OSBPL10: variants seen among roughly 807,000 people sequenced by gnomAD.
OSBPL10 encodes oxysterol-binding protein-related protein 10.
OSBPL10 carries 49 observed loss-of-function variants against 81.7 expected under a neutral mutation model. That is an observed-to-expected ratio of 0.60 (90% CI 0.48 to 0.76). OSBPL10 has a LOEUF of 0.76. OSBPL10 is among the 30% of genes least tolerant of loss of function. The pLI is 0.00. For synonymous variants in OSBPL10, 419 were observed against 383.6 expected (o/e 1.09, Z -1.08); for missense variants, 923 against 987.8 (o/e 0.93, Z 0.88).
At chr3:31,709,511 T>C (rs1253126110) in intron 6 of OSBPL10, among the ~76,000 whole-genome samples, 1 of 152,052 alleles carries the variant, frequency 6.6e-6, no homozygotes, top group South Asian at 2.1e-4. Context: ...TCACAGGAAA[T>C]AGCAGCATGT....
At chr3:31,849,732 G>A in intron 3 of OSBPL10, among the ~76,000 whole-genome samples, 1 of 152,068 alleles carries the variant, frequency 6.6e-6, no homozygotes, top group Admixed American at 6.6e-5. Context: ...CACAAACACT[G>A]GCATGAAAAA....
chr3:31,851,559 A>G (rs1700765935), intron 3 of OSBPL10, among the ~76,000 whole-genome samples: 1 of 152,248 alleles, frequency 6.6e-6, no homozygotes, highest in Non-Finnish European at 1.5e-5. Context: ...AGTCCTACCC[A>G]GACCAGCACG....
intron 4 of OSBPL10, among the ~76,000 whole-genome samples, chr3:31,772,570 C>T (rs527817007): frequency 6.6e-6 from 1 of 152,284 alleles, no homozygotes; most frequent in Non-Finnish European, 1.5e-5. Context: ...GGGATTTGAA[C>T]CCCCTCCAAG....
rs150530442 is a variant in OSBPL10, at chr3:31,871,322, C to T, written c.537+5111G>A. Among the ~76,000 whole-genome samples the T allele has an allele frequency of 2.1e-3, 315 of 152,204 alleles. 2 individuals are homozygous for T. The highest frequency in any genetic ancestry group is 3.3e-3 in the Non-Finnish European group (224 of 68,008). On this transcript the variant is annotated intron_variant, in intron 3 of 11. Coordinates refer to ENST00000396556, the MANE Select transcript of OSBPL10 (RefSeq NM_017784.5). ...AGATGCGCCGCCTTAAGAGCTGTAA[C>T]ACTCACTACGAAGGACTGCAGCTTC...
chr3:31,731,415 A>G (rs1352781470), intron 6 of OSBPL10, among the ~76,000 whole-genome samples: 3 of 152,242 alleles, frequency 2.0e-5, no homozygotes, highest in South Asian at 2.1e-4. Context: ...CTTTAATGAA[A>G]AAAGCTCTGG....
intron 4 of OSBPL10, among the ~76,000 whole-genome samples, chr3:31,757,213 C>T (rs1697914238): frequency 6.6e-6 from 1 of 152,094 alleles, no homozygotes; most frequent in African/African-American, 2.4e-5. Context: ...GAATAGAACC[C>T]TATTTGGAGA....
At chr3:31,995,457 C>G (rs1699081685) in intron 2 of OSBPL10, among the ~76,000 whole-genome samples, 2 of 152,178 alleles carry the variant, frequency 1.3e-5, no homozygotes, top group Non-Finnish European at 2.9e-5. Context: ...AAATATGGCT[C>G]TTTTTGCCCA....
intron 1 of OSBPL10, among the ~76,000 whole-genome samples, chr3:31,967,411 T>C (rs1559536160): frequency 6.6e-6 from 1 of 151,906 alleles, no homozygotes; most frequent in Non-Finnish European, 1.5e-5. Flanking sequence ...ACCCAGGAGG[T>C]TGAGGCTACA....
At chr3:31,687,658 C>G (rs1479544594) in intron 7 of OSBPL10, among the ~76,000 whole-genome samples, 1 of 152,080 alleles carries the variant, frequency 6.6e-6, no homozygotes, top group African/African-American at 2.4e-5. Context: ...CCTCCAAGTC[C>G]CTGCCATTAC....
At chr3:31,803,787 C>T (rs1187253545) in intron 4 of OSBPL10, among the ~76,000 whole-genome samples, 1 of 152,010 alleles carries the variant, frequency 6.6e-6, no homozygotes, top group African/African-American at 2.4e-5. Flanking sequence ...TCAAAATGTC[C>T]CTAGTATTTC....
At chr3:31,826,865 G>T (rs1700112395) in intron 4 of OSBPL10, among the ~76,000 whole-genome samples, 1 of 152,148 alleles carries the variant, frequency 6.6e-6, no homozygotes, top group Non-Finnish European at 1.5e-5. Context: ...GGTGGACATG[G>T]TGTCTGAAGA....
chr3:31,775,487 A>G (rs979594457), intron 4 of OSBPL10, among the ~76,000 whole-genome samples: 45 of 121,646 alleles, frequency 3.7e-4, no homozygotes, highest in African/African-American at 1.1e-3. Context: ...GAAACAGATC[A>G]TGAAGGAGTT....
rs188384654 is a variant in OSBPL10, at chr3:31,797,083, C to T, written c.729+32957G>A. ...CATCTTGGCTCACTGCAAACTCTTT[C>T]TCCCGGGTTCAAGTGATTCTCCTGC... On this transcript the variant is annotated intron_variant, in intron 4 of 11. Coordinates refer to ENST00000396556, the MANE Select transcript of OSBPL10 (RefSeq NM_017784.5). Among the ~76,000 whole-genome samples the T allele has an allele frequency of 1.9e-3, 258 of 136,668 alleles. 1 individual carries two copies. Among genetic ancestry groups the T allele is most frequent in the African/African-American group, 6.9e-3 (251 of 36,426 alleles). 89.7% of individuals were successfully genotyped at this position (136,668 alleles called of 152,430 possible). A position where few individuals can be genotyped will look rare whatever the true frequency, so the allele number is the denominator to read the frequency against.
At chr3:31,962,644 G>T (rs1698201951) in intron 1 of OSBPL10, among the ~76,000 whole-genome samples, 2 of 152,104 alleles carry the variant, frequency 1.3e-5, no homozygotes. Context: ...GTACAGTTAG[G>T]GTTTCAATCG....
chr3:31,981,048 C>G lies in OSBPL10; in HGVS notation c.132G>C (p.Ser44=). 1.4e-6 allele frequency: 2 copies of G among 1,480,868 alleles called. No homozygotes were observed. The highest frequency in any genetic ancestry group is 2.5e-5 in the Admixed American group (1 of 40,396). The allele number at this position is 1,480,868 out of a possible 1,614,324, so 91.7% of individuals were successfully genotyped here. The change falls in exon 1 of 12, where the codon TCG becomes TCC. Residue 44 remains serine (S), a synonymous_variant. Coordinates refer to ENST00000396556, the MANE Select transcript of OSBPL10 (RefSeq NM_017784.5). This position sits in a 1 kb window ranked among gnomAD's most constrained non-coding sequence, Gnocchi z 4.5. ...SLAGRGVSSR[S]AAAGLGGGGS... Reference sequence around the variant, plus strand: ...CCCCGCCGCCGAGCCCGGCCGCCGCCGACCGGCTGGAGACCCCCCGGCCCG... The same window carrying G: ...CCCCGCCGCCGAGCCCGGCCGCCGCGGACCGGCTGGAGACCCCCCGGCCCG...
At chr3:31,667,336 G>A (rs552441388) in intron 10 of OSBPL10, among the ~76,000 whole-genome samples, 1 of 152,356 alleles carries the variant, frequency 6.6e-6, no homozygotes, top group South Asian at 2.1e-4. Context: ...GTTAGACACA[G>A]AGAAAGGTTA....
At chr3:31,964,273 C>G (rs1698250785) in intron 1 of OSBPL10, among the ~76,000 whole-genome samples, 1 of 152,180 alleles carries the variant, frequency 6.6e-6, no homozygotes. Context: ...TCTCCTGCCT[C>G]AGGCTCCCGA....
At chr3:31,814,516 C>T (rs775584683) in intron 4 of OSBPL10, among the ~76,000 whole-genome samples, 5 of 152,066 alleles carry the variant, frequency 3.3e-5, no homozygotes, top group African/African-American at 7.2e-5. Context: ...ACAGAGACAC[C>T]GATACGCAGG....
chr3:31,764,214 C>T (rs1238355358), intron 4 of OSBPL10, among the ~76,000 whole-genome samples: 1 of 152,218 alleles, frequency 6.6e-6, no homozygotes, highest in East Asian at 1.9e-4. Context: ...GTATATAGTC[C>T]ATGATCACTG....
Sources: gnomAD v4.1 joint callset for allele counts (sites outside exome capture counted in the v4.1 genomes callset) on GRCh38, gnomAD v4.1.1 for gene constraint, Gnocchi (gnomAD v3.1) non-coding constraint, MANE v1.5 for transcripts, NCBI Gene and HGNC (gene_info 2026-07-23, HGNC 2026-07-21) for gene names.